BCL2: variants seen among roughly 807,000 people sequenced by gnomAD.
BCL2 encodes apoptosis regulator Bcl-2.
In BCL2, 1 loss-of-function variant was observed where a neutral mutation model predicts 14.2. The ratio of observed to expected loss-of-function variants is 0.07; its 90% CI spans 0.02 to 0.33. The LOEUF (loss-of-function observed/expected upper bound fraction) is 0.33. Ranked by LOEUF, BCL2 falls within the 10% of genes least tolerant of loss-of-function variation. BCL2 has a pLI of 0.99. For synonymous variants in BCL2, 151 were observed against 137.2 expected, an observed-to-expected ratio of 1.10 and a Z score of -0.70; for missense variants, 247 against 305.9, an observed-to-expected ratio of 0.81 and a Z score of 1.44.
intron 2 of BCL2, among the ~76,000 whole-genome samples, chr18:63,144,014 C>T (rs780414134): frequency 3.9e-5 from 6 of 152,132 alleles, no homozygotes; most frequent in East Asian, 1.9e-4. Flanking sequence ...CACCTAAGGT[C>T]GTAGGAATAA....
intron 2 of BCL2, among the ~76,000 whole-genome samples, chr18:63,253,488 C>G (rs1273898820): frequency 6.6e-6 from 1 of 152,154 alleles, no homozygotes; most frequent in African/African-American, 2.4e-5. Context: ...GCTGGGGTAG[C>G]CCAATCACCG....
chr18:63,224,528 T>C (rs1910493849), intron 2 of BCL2, among the ~76,000 whole-genome samples: 1 of 152,176 alleles, frequency 6.6e-6, no homozygotes, highest in South Asian at 2.1e-4. Flanking sequence ...GAAAACTGTT[T>C]TTTAACCTGG....
intron 2 of BCL2, chr18:63,316,680 G>A (rs888316168): frequency 6.6e-6 from 1 of 152,162 alleles, no homozygotes; most frequent in African/African-American, 2.4e-5. Flanking sequence ...AAGATCAGAT[G>A]TTCACATCAA....
intron 2 of BCL2, chr18:63,207,666 C>A (rs1340806018): frequency 6.6e-6 from 1 of 152,210 alleles, no homozygotes; most frequent in Non-Finnish European, 1.5e-5. Flanking sequence ...TGCACTGAGT[C>A]TGCACGGACC....
In BCL2 at chr18:63,305,557, AT is replaced by A. The variant is rs201938182; in HGVS notation, c.585+12524del. The stretch of plus-strand genomic sequence containing the variant: ...GATCAAATGGGCCAACAGATATGGA[AT>A]TTTTTTTTAGAAACTTTAAAATCCT... On this transcript the variant is annotated intron_variant, in intron 2 of 2. Transcript: ENST00000333681. 1.1e-4 allele frequency among the ~76,000 whole-genome samples: 16 copies of A among 151,730 alleles called. 1 individual carries two copies. In the South Asian group the frequency reaches 1.7e-3, roughly 16 times the overall value.
intron 2 of BCL2, among the ~76,000 whole-genome samples, chr18:63,195,057 G>A (rs761058453): frequency 6.6e-6 from 1 of 152,196 alleles, no homozygotes; most frequent in Non-Finnish European, 1.5e-5. Flanking sequence ...GTCACATGGA[G>A]GGGGCATACC....
intron 2 of BCL2, among the ~76,000 whole-genome samples, chr18:63,249,520 A>G (rs1568246598): frequency 6.6e-6 from 1 of 152,148 alleles, no homozygotes; most frequent in African/African-American, 2.4e-5. Flanking sequence ...CAGCCTGGCC[A>G]ACATGGTGAA....
chr18:63,296,610 T>A (rs964971533), intron 2 of BCL2, among the ~76,000 whole-genome samples: 5 of 151,880 alleles, frequency 3.3e-5, no homozygotes, highest in Admixed American at 2.6e-4. Flanking sequence ...ACCCAGAAAC[T>A]ACTGAAGTTT....
intron 2 of BCL2, among the ~76,000 whole-genome samples, chr18:63,219,184 T>G (rs77753198): frequency 6.6e-6 from 1 of 152,166 alleles, no homozygotes; most frequent in South Asian, 2.1e-4. Context: ...GCTTGCAATT[T>G]TACTCTTGCA....
chr18:63,234,313 T>G (rs966385799), intron 2 of BCL2, among the ~76,000 whole-genome samples: 6 of 152,182 alleles, frequency 3.9e-5, no homozygotes, highest in Admixed American at 3.3e-4. Flanking sequence ...ATTGTTCAGC[T>G]CCCACTTATA....
chr18:63,123,474 A>C lies in BCL2; in HGVS notation c.*5151T>G. The C allele has an allele frequency of 4.9e-6, 1 of 204,126 alleles. No homozygotes were observed. Among genetic ancestry groups the C allele is most frequent in the Non-Finnish European group, 1.0e-5 (1 of 99,490 alleles). 12.6% of individuals were successfully genotyped at this position (204,126 alleles called of 1,614,324 possible). ...ATTATAGCTAATGGTGGCCAACTGG[A>C]GACTTACTTTACCTTAACCATGTAA... On this transcript the variant is annotated 3_prime_UTR_variant, in exon 3 of 3. Transcript: ENST00000333681.
At chr18:63,249,049 A>G (rs1911230212) in intron 2 of BCL2, among the ~76,000 whole-genome samples, 2 of 152,350 alleles carry the variant, frequency 1.3e-5, no homozygotes, top group South Asian at 2.1e-4. Context: ...TTTCAGAATC[A>G]TCATGCATAT....
chr18:63,219,227 A>G (rs1470472525), intron 2 of BCL2, among the ~76,000 whole-genome samples: 1 of 152,146 alleles, frequency 6.6e-6, no homozygotes, highest in East Asian at 1.9e-4. Flanking sequence ...ACCATGTGGA[A>G]CAGCCTTCTC....
intron 2 of BCL2, among the ~76,000 whole-genome samples, chr18:63,199,763 A>G (rs1448665366): frequency 6.6e-6 from 1 of 152,210 alleles, no homozygotes; most frequent in African/African-American, 2.4e-5. Context: ...ACATAAACAC[A>G]CAGACGCACA....
intron 2 of BCL2, among the ~76,000 whole-genome samples, chr18:63,248,426 A>G (rs1035571899): frequency 6.6e-5 from 10 of 152,234 alleles, no homozygotes; most frequent in Non-Finnish European, 4.4e-5. Flanking sequence ...CTTAGATTAT[A>G]TTTTGACTTT....
chr18:63,309,926 G>C (rs1485717974), intron 2 of BCL2, among the ~76,000 whole-genome samples: 1 of 151,870 alleles, frequency 6.6e-6, no homozygotes, highest in Non-Finnish European at 1.5e-5. Context: ...GCAGTGACAC[G>C]ATCTCGGCTC....
chr18:63,192,006 A>G (rs1909302319), intron 2 of BCL2, among the ~76,000 whole-genome samples: 2 of 152,212 alleles, frequency 1.3e-5, no homozygotes. Flanking sequence ...TACTCATTGA[A>G]CTACTATGTG....
chr18:63,309,284 T>C (rs767165863), intron 2 of BCL2, among the ~76,000 whole-genome samples: 7 of 152,152 alleles, frequency 4.6e-5, no homozygotes, highest in Non-Finnish European at 8.8e-5. Context: ...GAAAGACATA[T>C]TATGGTTCAA....
intron 2 of BCL2, among the ~76,000 whole-genome samples, chr18:63,172,915 C>G (rs1915260320): frequency 6.6e-6 from 1 of 152,244 alleles, no homozygotes; most frequent in African/African-American, 2.4e-5. Context: ...ACTCCGCATT[C>G]ATTCCTCCTT....
Sources: allele counts gnomAD v4.1 joint callset (sites outside exome capture counted in the v4.1 genomes callset), GRCh38; gene constraint gnomAD v4.1.1; transcripts MANE v1.5; gene names NCBI Gene and HGNC (gene_info 2026-07-23, HGNC 2026-07-21).